The following SVOP variants were observed in gnomAD, a reference collection of about 807,000 sequenced individuals.
SVOP encodes the protein SV2 related protein, also known as synaptic vesicle 2-related protein.
Under a neutral mutation model 69.1 loss-of-function variants are expected in SVOP, and 17 were observed. The ratio of observed to expected loss-of-function variants is 0.25; its 90% CI spans 0.17 to 0.37. The LOEUF (loss-of-function observed/expected upper bound fraction) is 0.37. SVOP is among the 10% of genes least tolerant of loss of function. SVOP has a pLI of 1.00. For missense variants in SVOP, 435 were observed against 597.5 expected (o/e 0.73, Z 2.84); for synonymous variants, 238 against 238.6 (o/e 1.00, Z 0.02).
chr12:108,955,583 C>T (rs1482480200), intron 6 of SVOP, among the ~76,000 whole-genome samples: 1 of 152,244 alleles, frequency 6.6e-6, no homozygotes, highest in African/African-American at 2.4e-5. Context: ...CACTCACCAT[C>T]CTTCCAGCCT....
chr12:108,942,611 G>C (rs2039897787), intron 7 of SVOP, among the ~76,000 whole-genome samples: 5 of 152,200 alleles, frequency 3.3e-5, no homozygotes, highest in Non-Finnish European at 7.3e-5. Flanking sequence ...GTCGTGGCTG[G>C]CTGCATCTGT....
chr12:109,001,377 T>C (rs1211853870), intron 1 of SVOP, among the ~76,000 whole-genome samples: 1 of 150,970 alleles, frequency 6.6e-6, no homozygotes, highest in Non-Finnish European at 1.5e-5. Context: ...AAAATGGCCA[T>C]ACTGCCCAAG....
chr12:108,983,144 ATCATCACCATTG>A (rs1316661796), intron 2 of SVOP, among the ~76,000 whole-genome samples: 1 of 151,598 alleles, frequency 6.6e-6, no homozygotes, highest in African/African-American at 2.4e-5. Context: ...CACCACCATC[ATCATCACCATTG>A]TCATCACCAT....
At chr12:108,935,480 A>G (rs1265380969) in intron 10 of SVOP, among the ~76,000 whole-genome samples, 1 of 152,200 alleles carries the variant, frequency 6.6e-6, no homozygotes, top group Non-Finnish European at 1.5e-5. Context: ...GGGTATTCTC[A>G]ACTCTGATGC....
intron 1 of SVOP, among the ~76,000 whole-genome samples, chr12:108,997,697 G>T (rs2135617209): frequency 6.6e-6 from 1 of 151,550 alleles, no homozygotes; most frequent in South Asian, 2.1e-4. Context: ...CCCAGCAGGG[G>T]CACACTGACA....
chr12:108,937,064 A>C (rs2039860970), intron 10 of SVOP, 200 bp downstream of exon 10: 1 of 583,488 alleles, frequency 1.7e-6, no homozygotes, highest in Non-Finnish European at 3.1e-6. Flanking sequence ...AGTCAAGTTA[A>C]AGAAAAAGAT....
At chr12:108,940,583 C>A (rs1014931318) in intron 8 of SVOP, among the ~76,000 whole-genome samples, 2 of 152,096 alleles carry the variant, frequency 1.3e-5, no homozygotes, top group East Asian at 1.9e-4. Context: ...AGAAAACATC[C>A]CAGAAGTGTC....
chr12:108,935,203 G>A (rs1405654352), intron 10 of SVOP, among the ~76,000 whole-genome samples: 1 of 152,116 alleles, frequency 6.6e-6, no homozygotes, highest in Non-Finnish European at 1.5e-5. Flanking sequence ...TGTGATTTTC[G>A]AATTTCAGAG....
At chr12:108,957,816 G>A (rs891302270) in intron 6 of SVOP, among the ~76,000 whole-genome samples, 5 of 152,250 alleles carry the variant, frequency 3.3e-5, no homozygotes, top group African/African-American at 1.2e-4. Flanking sequence ...GAAGCTGAGA[G>A]GAATTTAGAA....
intron 1 of SVOP, among the ~76,000 whole-genome samples, chr12:109,002,248 C>A (rs1459451427): frequency 3.4e-4 from 11 of 31,958 alleles, no homozygotes; most frequent in Non-Finnish European, 5.2e-4. Context: ...CAAATCAAAA[C>A]CACAATGAGA....
At chr12:108,987,570 A>G (rs577894422) in intron 1 of SVOP, among the ~76,000 whole-genome samples, 1 of 152,352 alleles carries the variant, frequency 6.6e-6, no homozygotes, top group Admixed American at 6.5e-5. Flanking sequence ...AGCAATGCAC[A>G]AAGATTCCAA....
At chr12:108,968,735 G>A (rs917294685) in intron 5 of SVOP, among the ~76,000 whole-genome samples, 3 of 122,248 alleles carry the variant, frequency 2.5e-5, no homozygotes, top group African/African-American at 8.8e-5. Context: ...GTGTGTGCAT[G>A]TTTGTCTTTT....
At chr12:108,948,840 T>C (rs1438357759) in intron 6 of SVOP, among the ~76,000 whole-genome samples, 1 of 152,224 alleles carries the variant, frequency 6.6e-6, no homozygotes, top group Non-Finnish European at 1.5e-5. Flanking sequence ...ACCAAGATTA[T>C]AGTGGTTGCT....
intron 1 of SVOP, among the ~76,000 whole-genome samples, chr12:109,019,543 A>G (rs1053273497): frequency 6.6e-6 from 1 of 152,134 alleles, no homozygotes; most frequent in Non-Finnish European, 1.5e-5. Flanking sequence ...TGAACATGAT[A>G]TTTATTCTCA....
intron 6 of SVOP, among the ~76,000 whole-genome samples, chr12:108,950,185 C>T (rs1269480365): frequency 6.6e-6 from 1 of 151,726 alleles, no homozygotes; most frequent in Non-Finnish European, 1.5e-5. Flanking sequence ...GCCTCAGGCT[C>T]CCAAGTAGCT....
At chr12:108,941,070 A>G (rs1448103118) in intron 7 of SVOP, among the ~76,000 whole-genome samples, 161 bp from the exon 8 acceptor site, 4 of 152,202 alleles carry the variant, frequency 2.6e-5, no homozygotes, top group African/African-American at 9.7e-5. Flanking sequence ...TGGTTGGGCC[A>G]GGGCTGCCAT....
intron 8 of SVOP, among the ~76,000 whole-genome samples, chr12:108,939,793 A>C (rs1233599464): frequency 6.6e-6 from 1 of 152,186 alleles, no homozygotes; most frequent in East Asian, 1.9e-4. Flanking sequence ...TCTAGGTGGG[A>C]CCAAGTGACT....
intron 1 of SVOP, among the ~76,000 whole-genome samples, chr12:109,011,121 T>G (rs12424515): frequency 0.91 from 138,076 of 151,748 alleles, 63,713 homozygotes; most frequent in Non-Finnish European, 1. Context: ...CACCATGTTG[T>G]CCAGGATGGT....
chr12:108,984,760 T>C (rs2040158527), intron 1 of SVOP, among the ~76,000 whole-genome samples: 1 of 152,286 alleles, frequency 6.6e-6, no homozygotes, highest in South Asian at 2.1e-4. Context: ...TCCTTCCAAC[T>C]TTCTCACTCC....
Sources: allele counts gnomAD v4.1 joint callset (sites outside exome capture counted in the v4.1 genomes callset), GRCh38; gene constraint gnomAD v4.1.1; transcripts MANE v1.5; gene names NCBI Gene and HGNC (gene_info 2026-07-23, HGNC 2026-07-21).